Variants in ST6GALNAC3 observed in about 807,000 individuals in gnomAD.
ST6GALNAC3 encodes alpha-N-acetylgalactosaminide alpha-2,6-sialyltransferase 3.
Under a neutral mutation model 32.7 loss-of-function variants are expected in ST6GALNAC3, and 25 were observed. The observed-to-expected ratio is 0.76, with a 90% CI of 0.56 to 1.07. The LOEUF (loss-of-function observed/expected upper bound fraction) is 1.07, where lower values mean the gene tolerates loss of function less well. Among genes scored for constraint, ST6GALNAC3 ranks in the 50% least tolerant of loss-of-function variants. The pLI is 0.00. For synonymous variants in ST6GALNAC3, 129 were observed against 133.1 expected (o/e 0.97, Z 0.21); for missense variants, 355 against 382.4 (o/e 0.93, Z 0.60).
intron 3 of ST6GALNAC3, among the ~76,000 whole-genome samples, chr1:76,559,459 A>G (rs1665119148): frequency 6.6e-6 from 1 of 152,214 alleles, no homozygotes; most frequent in African/African-American, 2.4e-5. Context: ...TGGAGTAGGC[A>G]ATTACTTTTT....
At chr1:76,519,686 C>T (rs1329819679) in intron 3 of ST6GALNAC3, among the ~76,000 whole-genome samples, 2 of 151,998 alleles carry the variant, frequency 1.3e-5, no homozygotes, top group Non-Finnish European at 2.9e-5. Flanking sequence ...CTTTTCAACC[C>T]TTTGTCATCT....
chr1:76,364,561 A>G (rs143908136), intron 2 of ST6GALNAC3, among the ~76,000 whole-genome samples: 22 of 152,206 alleles, frequency 1.4e-4, no homozygotes, highest in African/African-American at 5.1e-4. Context: ...TAAATAAAAT[A>G]AAATAAATAA....
chr1:76,599,868 A>G (rs1647195488), intron 3 of ST6GALNAC3, among the ~76,000 whole-genome samples: 1 of 152,006 alleles, frequency 6.6e-6, no homozygotes, highest in Admixed American at 6.6e-5. Context: ...CACAATTTTC[A>G]GAATATACAA....
At chr1:76,496,301 G>A (rs957624824) in intron 3 of ST6GALNAC3, among the ~76,000 whole-genome samples, 2 of 152,194 alleles carry the variant, frequency 1.3e-5, no homozygotes, top group Non-Finnish European at 2.9e-5. Flanking sequence ...CAGTGATTCA[G>A]CTGGAGAAGC....
intron 3 of ST6GALNAC3, among the ~76,000 whole-genome samples, chr1:76,434,791 T>G (rs959043557): frequency 6.4e-5 from 9 of 139,904 alleles, no homozygotes; most frequent in Non-Finnish European, 1.2e-4. Flanking sequence ...TCTGTTTTTT[T>G]TTTTTTTTTT....
intron 1 of ST6GALNAC3, among the ~76,000 whole-genome samples, chr1:76,169,779 C>T (rs1159963612): frequency 6.6e-6 from 1 of 152,032 alleles, no homozygotes; most frequent in Non-Finnish European, 1.5e-5. Context: ...TTATGAAATT[C>T]TTGTAGTGTG....
At chr1:76,588,428 A>G (rs1338096212) in intron 3 of ST6GALNAC3, among the ~76,000 whole-genome samples, 3 of 152,224 alleles carry the variant, frequency 2.0e-5, no homozygotes, top group East Asian at 1.9e-4. Flanking sequence ...GCTCAGAAAT[A>G]TAAGCTAAGG....
At chr1:76,526,872 C>A (rs965582384) in intron 3 of ST6GALNAC3, among the ~76,000 whole-genome samples, 17 of 152,082 alleles carry the variant, frequency 1.1e-4, no homozygotes, top group African/African-American at 3.6e-4. Flanking sequence ...CTTTAATAGA[C>A]ATGATAACAA....
chr1:76,257,880 T>C (rs1658006959), intron 1 of ST6GALNAC3, among the ~76,000 whole-genome samples: 1 of 152,182 alleles, frequency 6.6e-6, no homozygotes, highest in Non-Finnish European at 1.5e-5. Flanking sequence ...TTTTCATTTG[T>C]CAAATGGAAT....
intron 3 of ST6GALNAC3, among the ~76,000 whole-genome samples, chr1:76,490,622 G>A (rs1660437652): frequency 6.6e-6 from 1 of 151,588 alleles, no homozygotes; most frequent in African/African-American, 2.4e-5. Context: ...CTCTGCTCCT[G>A]GATGAATACT....
Position 76,599,823 on chromosome 1 carries a change from G to A in ST6GALNAC3, c.624-27629G>A, listed in dbSNP as rs535507127. On this transcript the variant is annotated intron_variant, in intron 3 of 4. Transcript: ENST00000328299. ...TTCTCCATCACAATTTATTGTTTTG[G>A]GTGATGCATATCAATGAGGTTATGA... Among the ~76,000 whole-genome samples the A allele has an allele frequency of 9.5e-5, 14 of 146,672 alleles. No homozygotes were observed. In the South Asian group the frequency reaches 3.2e-3, roughly 33 times the overall value.
chr1:76,531,996 A>G (rs1038468096), intron 3 of ST6GALNAC3, among the ~76,000 whole-genome samples: 1 of 152,180 alleles, frequency 6.6e-6, no homozygotes, highest in Non-Finnish European at 1.5e-5. Context: ...GACTGGAACA[A>G]TGGGCCTTAT....
At chr1:76,499,621 G>A (rs1353071762) in intron 3 of ST6GALNAC3, among the ~76,000 whole-genome samples, 2 of 152,074 alleles carry the variant, frequency 1.3e-5, no homozygotes, top group Non-Finnish European at 2.9e-5. Flanking sequence ...CCTTCACAGT[G>A]AAAATGTACT....
intron 3 of ST6GALNAC3, among the ~76,000 whole-genome samples, chr1:76,455,456 T>C: frequency 6.6e-6 from 1 of 152,296 alleles, no homozygotes; most frequent in Non-Finnish European, 1.5e-5. Flanking sequence ...CCTGATTTAG[T>C]GTATATAGGT....
At chr1:76,175,536 G>C (rs1428388307) in intron 1 of ST6GALNAC3, among the ~76,000 whole-genome samples, 1 of 115,828 alleles carries the variant, frequency 8.6e-6, no homozygotes, top group African/African-American at 2.9e-5. Context: ...TTTTTTTTTT[G>C]GTGTGGGCTT....
At chr1:76,436,244 G>A (rs1656134936) in intron 3 of ST6GALNAC3, among the ~76,000 whole-genome samples, 1 of 152,130 alleles carries the variant, frequency 6.6e-6, no homozygotes. Flanking sequence ...ATAATTAAAT[G>A]AGACTGAGTT....
intron 2 of ST6GALNAC3, among the ~76,000 whole-genome samples, chr1:76,381,159 T>G (rs1651674535): frequency 7.2e-6 from 1 of 139,450 alleles, no homozygotes; most frequent in Non-Finnish European, 1.5e-5. Flanking sequence ...AGAAAATAGT[T>G]TGGGCTGCTA....
In ST6GALNAC3 at chr1:76,297,973, G is replaced by GA. The variant is rs200305309; in HGVS notation, c.19-15823dup. ...TGTACAAAAACTTAAGTTTTGTACA[G>GA]AAAAAAAAACTATACTAATATATGT... On this transcript the variant is annotated intron_variant, in intron 1 of 4. Coordinates refer to ENST00000328299, the MANE Select transcript of ST6GALNAC3 (RefSeq NM_152996.4). Among the ~76,000 whole-genome samples, 883 of 150,594 alleles carry GA rather than the reference G, an allele frequency of 5.9e-3. 9 individuals are homozygous for GA. Among genetic ancestry groups the GA allele is most frequent in the African/African-American group, 0.02 (805 of 41,116 alleles).
rs1036132474 is a variant in ST6GALNAC3 at position 76,472,498 on chromosome 1, G to A, written c.623+60081G>A. On this transcript the variant is annotated intron_variant, in intron 3 of 4. Coordinates refer to ENST00000328299, the MANE Select transcript of ST6GALNAC3 (RefSeq NM_152996.4). ...TGACAGTGGATGAACAGTTGACTCA[G>A]TAGTCTGGTGAGTGAGATGTGAGCT... Among the ~76,000 whole-genome samples the A allele has an allele frequency of 3.3e-5, 5 of 152,224 alleles. No homozygotes were observed. The East Asian group carries it at 5.8e-4, about 18-fold the overall frequency.
Sources: gnomAD v4.1 joint callset for allele counts (sites outside exome capture counted in the v4.1 genomes callset) on GRCh38, gnomAD v4.1.1 for gene constraint, MANE v1.5 for transcripts, NCBI Gene and HGNC (gene_info 2026-07-23, HGNC 2026-07-21) for gene names.